Variants in RPA1 observed in about 807,000 individuals in gnomAD.
RPA1 encodes the protein replication protein A 70 kDa DNA-binding subunit.
A neutral mutation model predicts 83.0 loss-of-function variants in RPA1; 49 were observed. That is an observed-to-expected ratio of 0.59 (90% confidence interval 0.47 to 0.75). RPA1 has a LOEUF of 0.75. RPA1 is among the 30% of genes least tolerant of loss of function. RPA1 has a pLI of 0.00. For synonymous variants in RPA1, 279 were observed against 281.8 expected, an observed-to-expected ratio of 0.99 and a Z score of 0.10; for missense variants, 693 against 776.1, an observed-to-expected ratio of 0.89 and a Z score of 1.27.
At chr17:1,843,474 C>G (rs556723498) in intron 2 of RPA1, among the ~76,000 whole-genome samples, 6 of 152,020 alleles carry the variant, frequency 3.9e-5, no homozygotes, top group African/African-American at 1.2e-4. Flanking sequence ...ACGGACACAT[C>G]ACTTACGTCT....
intron 7 of RPA1, among the ~76,000 whole-genome samples, chr17:1,876,290 C>T (rs1244366731): frequency 6.6e-6 from 1 of 152,204 alleles, no homozygotes; most frequent in African/African-American, 2.4e-5. Context: ...CGCGGTGGCT[C>T]ATGCCCGTAA....
chr17:1,858,407 G>A, intron 5 of RPA1: 1 of 1,584,516 alleles, frequency 6.3e-7, no homozygotes, highest in Non-Finnish European at 8.7e-7. Context: ...TGGGCTCGGA[G>A]GCAATGACGA....
At chr17:1,836,672 T>A (rs1449234195) in intron 1 of RPA1, among the ~76,000 whole-genome samples, 1 of 151,742 alleles carries the variant, frequency 6.6e-6, no homozygotes, top group Non-Finnish European at 1.5e-5. Flanking sequence ...AGCAGTTTTT[T>A]TTTTTTCCCC....
intron 5 of RPA1, among the ~76,000 whole-genome samples, chr17:1,855,852 A>T (rs1372119384): frequency 1.3e-5 from 2 of 151,742 alleles, no homozygotes; most frequent in Non-Finnish European, 2.9e-5. Flanking sequence ...CTTAAACTGT[A>T]AGTTCAGTTT....
chr17:1,868,127 T>A (rs562800277), intron 5 of RPA1, among the ~76,000 whole-genome samples: 1 of 151,944 alleles, frequency 6.6e-6, no homozygotes, highest in South Asian at 2.1e-4. Flanking sequence ...TATGGAAAAA[T>A]ATTCCTTTAT....
intron 14 of RPA1, among the ~76,000 whole-genome samples, chr17:1,889,336 T>A (rs1174224729): frequency 1.3e-4 from 1 of 7,894 alleles, no homozygotes; most frequent in Non-Finnish European, 1.7e-3. Flanking sequence ...TTTAAAAAAA[T>A]TTTTTTTTTT....
rs374242366 is a variant in RPA1, at chr17:1,835,615, C to G, written c.33+5489C>G. On this transcript the variant is annotated intron_variant, in intron 1 of 16. Transcript: ENST00000254719. ...TTCCATTTTAGCAGAATTCATGTTG[C>G]TCTGATAGGGGCTCTTTTCAAACTG... Among the ~76,000 whole-genome samples the G allele has an allele frequency of 5.9e-5, 9 of 152,216 alleles. No homozygotes were observed. In the East Asian group the frequency reaches 1.7e-3, roughly 29 times the overall value.
At chr17:1,894,880 A>G (rs2151293349) in intron 15 of RPA1, 129 bp from the exon 16 acceptor site, 1 of 658,662 alleles carries the variant, frequency 1.5e-6, no homozygotes. Flanking sequence ...TTACCTGTAG[A>G]TGAGTCATTC....
At chr17:1,868,196 G>A (rs943905370) in intron 5 of RPA1, among the ~76,000 whole-genome samples, 2 of 152,192 alleles carry the variant, frequency 1.3e-5, no homozygotes, top group African/African-American at 4.8e-5. Context: ...AGCTCAGGGG[G>A]ATAAGATTGC....
intron 6 of RPA1, among the ~76,000 whole-genome samples, chr17:1,873,167 T>C (rs1272155459): frequency 1.3e-5 from 2 of 152,220 alleles, no homozygotes; most frequent in Admixed American, 1.3e-4. Flanking sequence ...GTTTGGCTCA[T>C]CTCTCTCCGA....
chr17:1,861,269 A>G (rs1912953858), intron 5 of RPA1, among the ~76,000 whole-genome samples: 1 of 151,842 alleles, frequency 6.6e-6, no homozygotes, highest in Non-Finnish European at 1.5e-5. Flanking sequence ...CTCGGCCCCC[A>G]TTTCTGCACC....
At chr17:1,849,557 G>T (rs562457927) in intron 4 of RPA1, among the ~76,000 whole-genome samples, 1 of 151,372 alleles carries the variant, frequency 6.6e-6, no homozygotes, top group South Asian at 2.1e-4. Flanking sequence ...CTCCCAAAGT[G>T]CTGGGATTAC....
intron 5 of RPA1, among the ~76,000 whole-genome samples, chr17:1,859,042 A>G (rs1347864081): frequency 6.6e-6 from 1 of 151,748 alleles, no homozygotes; most frequent in African/African-American, 2.4e-5. Flanking sequence ...AGCTAGGACT[A>G]CAGGTGCCTG....
At chr17:1,882,796 C>T (rs1913846087) in intron 12 of RPA1, among the ~76,000 whole-genome samples, 1 of 152,232 alleles carries the variant, frequency 6.6e-6, no homozygotes, top group African/African-American at 2.4e-5. Flanking sequence ...CACGCAGCTG[C>T]TGCCTGAGAA....
At chr17:1,862,717 CTTTT>C (rs71150827) in intron 5 of RPA1, among the ~76,000 whole-genome samples, 1 of 51,762 alleles carries the variant, frequency 1.9e-5, no homozygotes. Flanking sequence ...CTGTGCCCAG[CTTTT>C]TTTTTTTTTT....
intron 1 of RPA1, among the ~76,000 whole-genome samples, chr17:1,836,839 ATT>A (rs368337248): frequency 3.6e-5 from 5 of 138,186 alleles, no homozygotes; most frequent in Admixed American, 1.5e-4. Context: ...TTAAAAAAAA[ATT>A]TTTTTTTTTT....
intron 4 of RPA1, among the ~76,000 whole-genome samples, chr17:1,849,236 T>C (rs1567806093): frequency 6.6e-6 from 1 of 152,114 alleles, no homozygotes; most frequent in Non-Finnish European, 1.5e-5. Context: ...TATTTAGTAG[T>C]TTATAGACAA....
At chr17:1,836,213 G>A (rs1911816076) in intron 1 of RPA1, among the ~76,000 whole-genome samples, 1 of 152,028 alleles carries the variant, frequency 6.6e-6, no homozygotes, top group Non-Finnish European at 1.5e-5. Context: ...CCAGGTTCAA[G>A]CAGTTCTCAT....
chr17:1,895,992 G>C (rs1487556092), intron 16 of RPA1, among the ~76,000 whole-genome samples: 1 of 151,670 alleles, frequency 6.6e-6, no homozygotes, highest in Admixed American at 6.6e-5. Context: ...CTTAGTTATA[G>C]TTATAATCAA....
Sources: allele counts gnomAD v4.1 joint callset (sites outside exome capture counted in the v4.1 genomes callset), GRCh38; gene constraint gnomAD v4.1.1; transcripts MANE v1.5; gene names NCBI Gene and HGNC (gene_info 2026-07-23, HGNC 2026-07-21).